AGBL4: variants seen among roughly 807,000 people sequenced by gnomAD.
The protein encoded by AGBL4 is AGBL carboxypeptidase 4, also known as cytosolic carboxypeptidase 6.
In AGBL4, 58 loss-of-function variants were observed where a neutral mutation model predicts 66.4. The ratio of observed to expected loss-of-function variants is 0.87; its 90% CI spans 0.71 to 1.09. AGBL4 has a LOEUF of 1.09. Ranked by LOEUF, AGBL4 falls within the 50% of genes least tolerant of loss-of-function variation. The probability of loss-of-function intolerance (pLI) is 0.00; values close to 1 mark genes in which losing one functional copy is unlikely to be tolerated. For missense variants in AGBL4, 579 were observed against 631.0 expected, an observed-to-expected ratio of 0.92 and a Z score of 0.88; for synonymous variants, 234 against 222.9, an observed-to-expected ratio of 1.05 and a Z score of -0.44.
intron 5 of AGBL4, among the ~76,000 whole-genome samples, chr1:48,894,820 A>G (rs548660351): frequency 5.3e-5 from 8 of 152,234 alleles, no homozygotes; most frequent in Non-Finnish European, 8.8e-5. Context: ...ATGAGAAGAA[A>G]AAAAGAATTT....
chr1:48,778,102 G>T (rs943150427), intron 6 of AGBL4, among the ~76,000 whole-genome samples: 1 of 152,068 alleles, frequency 6.6e-6, no homozygotes, highest in Admixed American at 6.5e-5. Context: ...GGGAGTTAAT[G>T]AATTTTGGGT....
At chr1:49,322,976 T>A (rs1291431947) in intron 3 of AGBL4, among the ~76,000 whole-genome samples, 2 of 152,260 alleles carry the variant, frequency 1.3e-5, no homozygotes, top group African/African-American at 4.8e-5. Flanking sequence ...TGTCCTACAT[T>A]TTTTAATTTC....
chr1:49,226,903 A>G (rs1170789105), intron 4 of AGBL4, among the ~76,000 whole-genome samples: 1 of 152,226 alleles, frequency 6.6e-6, no homozygotes, highest in Non-Finnish European at 1.5e-5. Flanking sequence ...AGGAAGTCCA[A>G]GGTCAAAGTG....
chr1:48,600,848 C>T (rs1334445551), intron 9 of AGBL4, among the ~76,000 whole-genome samples: 1 of 152,178 alleles, frequency 6.6e-6, no homozygotes, highest in East Asian at 1.9e-4. Flanking sequence ...TCTAATTAGT[C>T]TCTTACAATC....
chr1:48,813,285 TGAA>T (rs1646099784), intron 6 of AGBL4, among the ~76,000 whole-genome samples: 1 of 152,066 alleles, frequency 6.6e-6, no homozygotes, highest in Non-Finnish European at 1.5e-5. Context: ...ATTCAATATA[TGAA>T]GAAGAAACAG....
At position 49,141,744 on chromosome 1, in the gene AGBL4, G is replaced by T. The variant is rs193272088; in HGVS notation, c.378-95944C>A. On this transcript the variant is annotated intron_variant, in intron 4 of 13. Coordinates refer to ENST00000371839, the MANE Select transcript of AGBL4 (RefSeq NM_032785.4). ...GTAACAAGTTTGAATGTTACTTTAA[G>T]TATAATAAGAAGTCACTGGAAATAG... is the stretch of plus-strand genomic sequence containing the variant. Among the ~76,000 whole-genome samples the T allele has an allele frequency of 2.0e-5, 3 of 152,244 alleles. No homozygotes were observed. The East Asian group carries it at 5.8e-4, about 29-fold the overall frequency.
At chr1:48,703,976 G>C (rs918452376) in intron 6 of AGBL4, among the ~76,000 whole-genome samples, 2 of 152,188 alleles carry the variant, frequency 1.3e-5, no homozygotes, top group African/African-American at 4.8e-5. Context: ...AGCACAGAGT[G>C]TACTTACACA....
intron 2 of AGBL4, among the ~76,000 whole-genome samples, chr1:49,819,106 G>T (rs1198800546): frequency 1.3e-5 from 2 of 152,076 alleles, no homozygotes; most frequent in Non-Finnish European, 2.9e-5. Flanking sequence ...ATGTTTCCTG[G>T]AATATAATAG....
intron 5 of AGBL4, among the ~76,000 whole-genome samples, chr1:48,921,578 T>G (rs12026317): frequency 0.092 from 13,987 of 152,230 alleles, 732 homozygotes; most frequent in Non-Finnish European, 0.11. Context: ...TTTTGGATGC[T>G]CACTGCTCTA....
In AGBL4 at chr1:49,928,545, G is replaced by A. The variant is rs112790816; in HGVS notation, c.35-77027C>T. ...ATTACAGGCGTGAGCCACCGCACCC[G>A]GGCTGAAGTACCTTACAGAAAGAAA... On this transcript the variant is annotated intron_variant, in intron 1 of 13. Coordinates refer to ENST00000371839, the MANE Select transcript of AGBL4 (RefSeq NM_032785.4). 1.1e-4 allele frequency among the ~76,000 whole-genome samples: 17 copies of A among 152,120 alleles called. 1 individual carries two copies. Among genetic ancestry groups the A allele is most frequent in the African/African-American group, 3.6e-4 (15 of 41,508 alleles).
intron 3 of AGBL4, among the ~76,000 whole-genome samples, chr1:49,283,897 T>G (rs1279890176): frequency 1.3e-5 from 2 of 149,202 alleles, no homozygotes; most frequent in African/African-American, 5.0e-5. Context: ...GTCTGATTGG[T>G]GTACCTGAAA....
chr1:48,937,776 A>G (rs1018232060), intron 5 of AGBL4, among the ~76,000 whole-genome samples: 3 of 152,204 alleles, frequency 2.0e-5, no homozygotes, highest in Non-Finnish European at 4.4e-5. Context: ...GGCAACTGCT[A>G]TAAAATTTTA....
At chr1:49,978,337 A>C (rs1490970398) in intron 1 of AGBL4, among the ~76,000 whole-genome samples, 2 of 152,152 alleles carry the variant, frequency 1.3e-5, no homozygotes, top group African/African-American at 4.8e-5. Context: ...CCAGCTACTT[A>C]GGAGACTGAG....
At position 49,453,301 on chromosome 1, in the gene AGBL4, A is replaced by C. The variant is rs888526504; in HGVS notation, c.283-207437T>G. 6.6e-5 allele frequency among the ~76,000 whole-genome samples: 10 copies of C among 151,880 alleles called. No individual in the cohort carries two copies. In the East Asian group the frequency reaches 1.9e-3, roughly 29 times the overall value. ...ATAAAACTGTTAAATTCCAATCAGAAGTTTGCAAATATTATGCCACAAATA... is the reference window on the plus strand; with the variant it reads ...ATAAAACTGTTAAATTCCAATCAGACGTTTGCAAATATTATGCCACAAATA... On this transcript the variant is annotated intron_variant, in intron 3 of 13. Coordinates refer to ENST00000371839, the MANE Select transcript of AGBL4 (RefSeq NM_032785.4).
chr1:49,526,340 A>G (rs1343618579), intron 3 of AGBL4, among the ~76,000 whole-genome samples: 1 of 152,070 alleles, frequency 6.6e-6, no homozygotes, highest in African/African-American at 2.4e-5. Context: ...TTGATCTTAC[A>G]TTTGTACTTT....
intron 1 of AGBL4, among the ~76,000 whole-genome samples, chr1:50,017,834 C>A (rs1662108772): frequency 6.6e-6 from 1 of 152,126 alleles, no homozygotes. Flanking sequence ...ACCCCAGCAA[C>A]ATGCAATTTA....
chr1:49,380,105 T>C (rs1283495591), intron 3 of AGBL4, among the ~76,000 whole-genome samples: 7 of 152,170 alleles, frequency 4.6e-5, no homozygotes, highest in East Asian at 1.9e-4. Context: ...GAAAACCCCA[T>C]TGGCTCAGCC....
intron 6 of AGBL4, among the ~76,000 whole-genome samples, chr1:48,769,913 C>A (rs907048187): frequency 1.3e-5 from 2 of 152,210 alleles, no homozygotes; most frequent in East Asian, 3.8e-4. Flanking sequence ...AAAGCCTGTC[C>A]TCTTTCAGCT....
chr1:48,840,729 T>G (rs61568035), intron 6 of AGBL4, among the ~76,000 whole-genome samples: 5,596 of 152,272 alleles, frequency 0.037, 338 homozygotes, highest in African/African-American at 0.12. Context: ...AGTTGTTATA[T>G]GACCCAGCAA....
Sources: allele counts gnomAD v4.1 joint callset (sites outside exome capture counted in the v4.1 genomes callset), GRCh38; gene constraint gnomAD v4.1.1; transcripts MANE v1.5; gene names NCBI Gene and HGNC (gene_info 2026-07-23, HGNC 2026-07-21).